The following PWWP2A variants were observed in gnomAD, a reference collection of about 807,000 sequenced individuals.
PWWP2A encodes the protein PWWP domain-containing protein 2A.
Under a neutral mutation model 48.5 loss-of-function variants are expected in PWWP2A, and 18 were observed. That is an observed-to-expected ratio of 0.37 (90% CI 0.26 to 0.55). The LOEUF (loss-of-function observed/expected upper bound fraction) is 0.55, where lower values mean the gene tolerates loss of function less well. Ranked by LOEUF, PWWP2A falls within the 20% of genes least tolerant of loss-of-function variation. The pLI is 0.81. For missense variants in PWWP2A, 867 were observed against 976.4 expected (o/e 0.89, Z 1.49); for synonymous variants, 396 against 387.7 (o/e 1.02, Z -0.25).
At chr5:160,107,370 T>C (rs1490070630) in intron 1 of PWWP2A, among the ~76,000 whole-genome samples, 1 of 152,216 alleles carries the variant, frequency 6.6e-6, no homozygotes, top group Admixed American at 6.5e-5. Flanking sequence ...AGAATATAAC[T>C]TAATCTCCAA....
chr5:160,117,832 T>C, intron 1 of PWWP2A: 1 of 969,238 alleles, frequency 1.0e-6, no homozygotes, highest in Non-Finnish European at 1.2e-6. Flanking sequence ...AACATACTAA[T>C]AAGCCATTGC....
At chr5:160,048,803 T>C in the PWWP2A span, among the ~76,000 whole-genome samples, 1 of 152,130 alleles carries the variant, frequency 6.6e-6, no homozygotes, top group South Asian at 2.1e-4. Context: ...ATACAAAAAT[T>C]AGCCGGGCAT....
chr5:160,060,557 G>A (rs571474729), downstream of PWWP2A, among the ~76,000 whole-genome samples: 5 of 152,322 alleles, frequency 3.3e-5, no homozygotes, highest in South Asian at 1.0e-3. Context: ...AAACCTCATT[G>A]ATTACTGTCC....
chr5:160,108,186 T>C (rs928948621), intron 1 of PWWP2A, among the ~76,000 whole-genome samples: 1 of 152,064 alleles, frequency 6.6e-6, no homozygotes, highest in African/African-American at 2.4e-5. Flanking sequence ...GGCTACCCCA[T>C]AGGCAGAGTG....
chr5:160,110,417 TCTGCA>T (rs1457252322), intron 1 of PWWP2A, among the ~76,000 whole-genome samples: 1 of 152,150 alleles, frequency 6.6e-6, no homozygotes, highest in Admixed American at 6.6e-5. Flanking sequence ...TTTTTAGATA[TCTGCA>T]CTGGCCGGAC....
downstream of PWWP2A, chr5:160,075,835 T>A (rs1366732294): frequency 6.7e-6 from 1 of 149,734 alleles, no homozygotes; most frequent in Non-Finnish European, 1.5e-5. Flanking sequence ...AAAAAAATCT[T>A]TAAAAACTAA....
chr5:160,116,818 C>T (rs1056623564), intron 1 of PWWP2A: 1 of 984,084 alleles, frequency 1.0e-6, no homozygotes, highest in Non-Finnish European at 1.2e-6. Flanking sequence ...AGAGGCCGGG[C>T]GAGGTGGCTC....
the PWWP2A span, among the ~76,000 whole-genome samples, chr5:160,046,071 C>G: frequency 6.6e-6 from 1 of 152,212 alleles, no homozygotes; most frequent in Non-Finnish European, 1.5e-5. Context: ...AAAACCTTCT[C>G]CTGACCCAAT....
chr5:160,108,707 G>A (rs1757145092), intron 1 of PWWP2A: 1 of 575,920 alleles, frequency 1.7e-6, no homozygotes, highest in South Asian at 1.5e-5. Flanking sequence ...AGTGAAAACT[G>A]AAGTTTCCTA....
At chr5:160,082,250 C>T (rs1331462645) in intron 2 of PWWP2A, among the ~76,000 whole-genome samples, 1 of 151,966 alleles carries the variant, frequency 6.6e-6, no homozygotes, top group East Asian at 1.9e-4. Context: ...CGAGACCATC[C>T]TGGCTAACAC....
chr5:160,091,813 T>G lies in PWWP2A; in HGVS notation c.*569A>C, dbSNP rs1168423078. 10 of 984,974 alleles carry G rather than the reference T, an allele frequency of 1.0e-5. No homozygotes were observed. The highest frequency in any genetic ancestry group is 1.1e-5 in the Non-Finnish European group (9 of 829,876). The allele number at this position is 984,974 out of a possible 1,614,324, so 61.0% of individuals were successfully genotyped here. On this transcript the variant is annotated 3_prime_UTR_variant, in exon 2 of 2. Coordinates refer to ENST00000307063, the MANE Select transcript of PWWP2A (RefSeq NM_001130864.2). ...TTGTCAAACACCTAACCATCTAACTTTTACACCATTATGCGCATAGAAAGG... is the reference window on the plus strand; with the variant it reads ...TTGTCAAACACCTAACCATCTAACTGTTACACCATTATGCGCATAGAAAGG...
the PWWP2A span, among the ~76,000 whole-genome samples, chr5:160,052,348 TAGTC>T: frequency 6.6e-6 from 1 of 151,816 alleles, no homozygotes; most frequent in African/African-American, 2.4e-5. Flanking sequence ...CACAAAAAAT[TAGTC>T]AGGCATGGTG....
chr5:160,061,502 T>C (rs1308687762), downstream of PWWP2A, among the ~76,000 whole-genome samples: 2 of 152,254 alleles, frequency 1.3e-5, no homozygotes, highest in East Asian at 3.8e-4. Context: ...GCCACACACA[T>C]GTAATTAGTA....
Position 160,119,429 on chromosome 5 carries a change from G to C in PWWP2A, c.-41C>G. 2 of 1,349,444 alleles carry C rather than the reference G, an allele frequency of 1.5e-6. No homozygotes were observed. The highest frequency in any genetic ancestry group is 1.9e-6 in the Non-Finnish European group (2 of 1,056,246). 83.6% of individuals were successfully genotyped at this position (1,349,444 alleles called of 1,614,324 possible). A position where few individuals can be genotyped will look rare whatever the true frequency, so the allele number is the denominator to read the frequency against. ...TCCCTCCTCCAACTCCGGCTGCAGC[G>C]GCGGCGGCGACAGCGCTGCTTGGTT... On this transcript the variant is annotated 5_prime_UTR_variant, in exon 1 of 2. Transcript: ENST00000307063.
chr5:160,108,641 G>C lies in PWWP2A; in HGVS notation c.584+10164C>G. On this transcript the variant is annotated intron_variant, in intron 1 of 1. Transcript: ENST00000307063. Reference sequence around the variant, plus strand: ...TGTAAAGAAAAGAAATCATTGTCTTGGTTTATATTTCCTCAAAAAACACGT... The same window carrying C: ...TGTAAAGAAAAGAAATCATTGTCTTCGTTTATATTTCCTCAAAAAACACGT... 3 of 1,219,760 alleles carry C rather than the reference G, an allele frequency of 2.5e-6. No homozygotes were observed. In the South Asian group the frequency reaches 3.8e-5, roughly 16 times the overall value. 75.6% of individuals were successfully genotyped at this position (1,219,760 alleles called of 1,614,324 possible).
the PWWP2A span, among the ~76,000 whole-genome samples, chr5:160,056,113 C>T: frequency 1.3e-5 from 2 of 152,184 alleles, no homozygotes; most frequent in African/African-American, 4.8e-5. Context: ...AGGTGCCTAT[C>T]CCTACCTTGA....
intron 1 of PWWP2A, among the ~76,000 whole-genome samples, chr5:160,096,878 TG>T (rs1371884234): frequency 6.6e-6 from 1 of 152,248 alleles, no homozygotes; most frequent in Admixed American, 6.5e-5. Context: ...ATCAACTGTT[TG>T]TATCCTCTAA....
At chr5:160,089,240 A>T (rs1234618822), downstream of PWWP2A, among the ~76,000 whole-genome samples, 1 of 152,152 alleles carries the variant, frequency 6.6e-6, no homozygotes, top group African/African-American at 2.4e-5. Flanking sequence ...TGCCCAGACC[A>T]GAGTGCAGTG....
chr5:160,084,045 C>G (rs1414384727), intron 2 of PWWP2A, among the ~76,000 whole-genome samples: 1 of 152,128 alleles, frequency 6.6e-6, no homozygotes, highest in Admixed American at 6.6e-5. Context: ...TGTTATATTT[C>G]CATTTATACT....
Sources: allele counts gnomAD v4.1 joint callset (sites outside exome capture counted in the v4.1 genomes callset), GRCh38; gene constraint gnomAD v4.1.1; transcripts MANE v1.5; gene names NCBI Gene and HGNC (gene_info 2026-07-23, HGNC 2026-07-21).